Variants in STK3 observed in about 807,000 individuals in gnomAD.
The protein encoded by STK3 is serine/threonine kinase 3.
Under a neutral mutation model 58.0 loss-of-function variants are expected in STK3, and 41 were observed. The ratio of observed to expected loss-of-function variants is 0.71; its 90% confidence interval spans 0.55 to 0.92. STK3 has a LOEUF of 0.92. STK3 is among the 40% of genes least tolerant of loss of function. The probability of loss-of-function intolerance (pLI) is 0.00; values close to 1 mark genes in which losing one functional copy is unlikely to be tolerated. For synonymous variants in STK3, 170 were observed against 191.0 expected, an observed-to-expected ratio of 0.89 and a Z score of 0.91; for missense variants, 479 against 602.7, an observed-to-expected ratio of 0.79 and a Z score of 2.15.
intron 6 of STK3, among the ~76,000 whole-genome samples, chr8:98,652,674 T>G (rs1183140208): frequency 6.8e-6 from 1 of 147,396 alleles, no homozygotes; most frequent in East Asian, 2.0e-4. Context: ...AAGGCAGGGG[T>G]TGCAATCCTA....
chr8:98,694,007 A>G (rs1318818296), intron 6 of STK3, among the ~76,000 whole-genome samples: 1 of 152,140 alleles, frequency 6.6e-6, no homozygotes, highest in Non-Finnish European at 1.5e-5. Context: ...CTTTGTGAAA[A>G]AAGTAGTGCC....
At chr8:98,682,094 A>G (rs1025807298) in intron 6 of STK3, among the ~76,000 whole-genome samples, 10 of 152,258 alleles carry the variant, frequency 6.6e-5, no homozygotes, top group Admixed American at 6.5e-4. Flanking sequence ...ATGCTTGCCT[A>G]TATCAATTGT....
intron 6 of STK3, among the ~76,000 whole-genome samples, chr8:98,607,423 A>C (rs2130148774): frequency 6.6e-6 from 1 of 152,348 alleles, no homozygotes; most frequent in South Asian, 2.1e-4. Context: ...CAGTGGAACA[A>C]AACTGTAATC....
intron 6 of STK3, among the ~76,000 whole-genome samples, chr8:98,696,993 CTT>C (rs1017653454): frequency 6.6e-6 from 1 of 152,042 alleles, no homozygotes; most frequent in African/African-American, 2.4e-5. Flanking sequence ...GTCCTGGACT[CTT>C]TTTGGTTGGT....
chr8:98,357,714 C>A, the STK3 span, among the ~76,000 whole-genome samples: 5 of 152,236 alleles, frequency 3.3e-5, no homozygotes, highest in African/African-American at 1.2e-4. Context: ...CTTTCTGCTT[C>A]CTCCTGATAA....
chr8:98,734,900 C>T (rs1304489411), intron 4 of STK3, among the ~76,000 whole-genome samples: 6 of 151,176 alleles, frequency 4.0e-5, no homozygotes, highest in African/African-American at 1.2e-4. Flanking sequence ...CACAGAAGGC[C>T]TATGGTTAAA....
intron 1 of STK3, among the ~76,000 whole-genome samples, chr8:98,812,713 A>T (rs1264845320): frequency 6.6e-6 from 1 of 152,250 alleles, no homozygotes; most frequent in East Asian, 1.9e-4. Flanking sequence ...GCCATAAAAA[A>T]GGGTGAGTTT....
At chr8:98,683,554 G>A (rs1343963714) in intron 6 of STK3, among the ~76,000 whole-genome samples, 3 of 152,096 alleles carry the variant, frequency 2.0e-5, no homozygotes, top group Non-Finnish European at 2.9e-5. Flanking sequence ...CTTAGATTTA[G>A]TAGGGAAATA....
Position 98,716,457 on chromosome 8 carries a change from G to T in STK3, c.352-9146C>A, listed in dbSNP as rs140836528. 6.8e-3 allele frequency among the ~76,000 whole-genome samples: 1,034 copies of T among 151,262 alleles called. 8 individuals are homozygous for T. The highest frequency in any genetic ancestry group is 0.024 in the African/African-American group (970 of 41,198). ...TTATTTTAAAGAATAAAATACTTAGGAATTAATTTCACCAAGGAGGTGAAA... is the reference window on the plus strand; with the variant it reads ...TTATTTTAAAGAATAAAATACTTAGTAATTAATTTCACCAAGGAGGTGAAA... On this transcript the variant is annotated intron_variant, in intron 4 of 10. Coordinates refer to ENST00000419617, the MANE Select transcript of STK3 (RefSeq NM_006281.4).
intron 4 of STK3, among the ~76,000 whole-genome samples, chr8:98,721,408 T>C (rs962857445): frequency 6.6e-6 from 1 of 152,086 alleles, no homozygotes; most frequent in Non-Finnish European, 1.5e-5. Context: ...CACAGGCCTA[T>C]AGTCTCAGCT....
At position 98,649,928 on chromosome 8, in the gene STK3, T is replaced by A. The variant is rs144345569; in HGVS notation, c.685-53759A>T. ...TTCAATTAGATTTTTACGAATTTCT[T>A]CCTACAGAAGTGTACTTCTTTTGTT... On this transcript the variant is annotated intron_variant, in intron 6 of 10. Coordinates refer to ENST00000419617, the MANE Select transcript of STK3 (RefSeq NM_006281.4). Among the ~76,000 whole-genome samples, 4 of 152,338 alleles carry A rather than the reference T, an allele frequency of 2.6e-5. No individual in the cohort carries two copies. The East Asian group carries it at 7.7e-4, about 29-fold the overall frequency.
At position 98,583,180 on chromosome 8, in the gene STK3, A is replaced by G. The variant is rs527910408; in HGVS notation, c.823-3391T>C. 9.2e-3 allele frequency among the ~76,000 whole-genome samples: 1,399 copies of G among 152,186 alleles called. 18 individuals carry two copies. The highest frequency in any genetic ancestry group is 0.032 in the African/African-American group (1,323 of 41,510). On this transcript the variant is annotated intron_variant, in intron 7 of 10. Transcript: ENST00000419617. ...TTATTAGGTTAATTTCACTTTTTAC[A>G]TTACTACAACAATAACAAAAATACC...
At chr8:98,532,552 T>C (rs1013225160) in intron 9 of STK3, among the ~76,000 whole-genome samples, 3 of 152,098 alleles carry the variant, frequency 2.0e-5, no homozygotes, top group Non-Finnish European at 2.9e-5. Flanking sequence ...AGTGAGCACA[T>C]AACATTGGAA....
intron 3 of STK3, among the ~76,000 whole-genome samples, chr8:98,758,217 C>T (rs1283425146): frequency 3.9e-5 from 6 of 152,138 alleles, no homozygotes; most frequent in South Asian, 2.1e-4. Flanking sequence ...TTTTGCTAAA[C>T]GTATAAAGAT....
intron 2 of STK3, among the ~76,000 whole-genome samples, chr8:98,767,828 T>C (rs1393199568): frequency 2.6e-5 from 4 of 152,234 alleles, no homozygotes; most frequent in African/African-American, 9.6e-5. Context: ...GGGGACCATA[T>C]TAACATCAAA....
chr8:98,540,033 C>T (rs1032144439), intron 9 of STK3, among the ~76,000 whole-genome samples: 2 of 152,140 alleles, frequency 1.3e-5, no homozygotes, highest in African/African-American at 2.4e-5. Flanking sequence ...GGATTACAGG[C>T]GTGAGCCACT....
chr8:98,777,691 A>G (rs1217880259), intron 1 of STK3, among the ~76,000 whole-genome samples: 1 of 152,200 alleles, frequency 6.6e-6, no homozygotes, highest in Non-Finnish European at 1.5e-5. Flanking sequence ...TTATAACATC[A>G]AAGAGAGACT....
chr8:98,924,638 A>C (rs774704739), intron 1 of STK3, among the ~76,000 whole-genome samples: 1 of 152,222 alleles, frequency 6.6e-6, no homozygotes, highest in Non-Finnish European at 1.5e-5. Flanking sequence ...GTGGGTTTAT[A>C]TTTGAGAATG....
intron 1 of STK3, among the ~76,000 whole-genome samples, chr8:98,927,976 C>A (rs1839864688): frequency 6.6e-6 from 1 of 152,288 alleles, no homozygotes; most frequent in East Asian, 1.9e-4. Context: ...CCCTTTATTG[C>A]TTAAACTAGC....
Sources: gnomAD v4.1 joint callset for allele counts (sites outside exome capture counted in the v4.1 genomes callset) on GRCh38, gnomAD v4.1.1 for gene constraint, MANE v1.5 for transcripts, NCBI Gene and HGNC (gene_info 2026-07-23, HGNC 2026-07-21) for gene names.